The following MAPK8IP3 variants were observed in gnomAD, a reference collection of about 807,000 sequenced individuals.
The protein encoded by MAPK8IP3 is C-Jun-amino-terminal kinase-interacting protein 3.
MAPK8IP3 carries 49 observed loss-of-function variants against 157.8 expected under a neutral mutation model. That is an observed-to-expected ratio of 0.31 (90% CI 0.25 to 0.39). The LOEUF is 0.39. Among genes scored for constraint, MAPK8IP3 ranks in the 10% least tolerant of loss-of-function variants. MAPK8IP3 has a pLI of 1.00. For missense variants in MAPK8IP3, 1,478 were observed against 1,889.4 expected (o/e 0.78, Z 4.04); for synonymous variants, 897 against 777.7 (o/e 1.15, Z -2.55).
At chr16:1,749,286 A>G (rs1380608264) in intron 8 of MAPK8IP3, among the ~76,000 whole-genome samples, 1 of 152,200 alleles carries the variant, frequency 6.6e-6, no homozygotes, top group Non-Finnish European at 1.5e-5. Context: ...CCATCCCTAA[A>G]AGAAATCCAT....
rs1409123643 is a variant in MAPK8IP3 at position 1,768,362 on chromosome 16, C to T, written c.3726C>T (p.Phe1242=). The T allele has an allele frequency of 1.9e-6, 3 of 1,601,978 alleles. No individual in the cohort carries two copies. Among genetic ancestry groups the T allele is most frequent in the South Asian group, 1.1e-5 (1 of 91,044 alleles). The stretch of plus-strand genomic sequence containing the variant: ...ATGGGCACCGCGATGCCGTGAAGTT[C>T]TTTGTCTCGGTGCCAGGTGAGGCTG... ...CFHGHRDAVK[F]FVSVPGNVLA... is the part of the protein sequence containing the mutation. The change falls in exon 30 of 32, where the codon TTC becomes TTT. Residue 1242 remains phenylalanine (F), a synonymous_variant. Transcript: ENST00000610761.
chr16:1,765,829 T>G, intron 20 of MAPK8IP3, 131 bp from the exon 21 acceptor site: 4 of 799,742 alleles, frequency 5.0e-6, no homozygotes, highest in Non-Finnish European at 8.0e-6. Context: ...GGGTGGAGCA[T>G]GTGTGGAAGC....
intron 1 of MAPK8IP3, chr16:1,714,337 G>C (rs1487158422): frequency 6.6e-6 from 1 of 152,110 alleles, no homozygotes; most frequent in Non-Finnish European, 1.5e-5. Flanking sequence ...CCGCTTATGA[G>C]GGGGGTGCGT....
rs182952064 is a variant in MAPK8IP3, at chr16:1,769,121, G to A, written c.*297G>A. Reference sequence around the variant, plus strand: ...AAGTCCAGGGCACCTTGGGCCCAGCGCAGGCAGAATCCGAGGTGGTCCTGG... The same window carrying A: ...AAGTCCAGGGCACCTTGGGCCCAGCACAGGCAGAATCCGAGGTGGTCCTGG... On this transcript the variant is annotated 3_prime_UTR_variant, in exon 32 of 32. Transcript: ENST00000610761. The A allele has an allele frequency of 6.1e-5, 27 of 445,512 alleles. No homozygotes were observed. In the East Asian group the frequency reaches 6.2e-4, roughly 10 times the overall value. The allele number at this position is 445,512 out of a possible 1,614,324, so 27.6% of individuals were successfully genotyped here. A position where few individuals can be genotyped will look rare whatever the true frequency, so the allele number is the denominator to read the frequency against.
At chr16:1,765,441 C>T (rs139949787) in intron 20 of MAPK8IP3, among the ~76,000 whole-genome samples, 48 of 152,338 alleles carry the variant, frequency 3.2e-4, no homozygotes, top group Middle Eastern at 3.4e-3. Context: ...CGGGTGGGCA[C>T]GGCCTGCAGC....
chr16:1,735,284 G>A (rs1400175891), intron 4 of MAPK8IP3, among the ~76,000 whole-genome samples: 1 of 151,306 alleles, frequency 6.6e-6, no homozygotes, highest in African/African-American at 2.4e-5. Context: ...GTCTGTGAGT[G>A]TGCGACGGTC....
chr16:1,750,588 A>G (rs970086134), intron 8 of MAPK8IP3, among the ~76,000 whole-genome samples: 1 of 151,814 alleles, frequency 6.6e-6, no homozygotes, highest in South Asian at 2.1e-4. Context: ...TTTAAATAAT[A>G]TCAGCAAATG....
intron 1 of MAPK8IP3, among the ~76,000 whole-genome samples, chr16:1,721,512 AG>A (rs1261643497): frequency 6.6e-6 from 1 of 152,082 alleles, no homozygotes; most frequent in Non-Finnish European, 1.5e-5. Flanking sequence ...GGCTCACTGC[AG>A]CCCCGACCTC....
intron 4 of MAPK8IP3, among the ~76,000 whole-genome samples, chr16:1,738,260 G>A (rs1366570608): frequency 2.0e-5 from 2 of 98,826 alleles, no homozygotes; most frequent in African/African-American, 4.3e-5. Context: ...CCGTGTGAGC[G>A]TGTGACCGTC....
At position 1,737,818 on chromosome 16, in the gene MAPK8IP3, G is replaced by A. The variant is rs569378182; in HGVS notation, c.603-5514G>A. Among the ~76,000 whole-genome samples, 109 of 98,870 alleles carry A rather than the reference G, an allele frequency of 1.1e-3. 7 individuals carry two copies. Among genetic ancestry groups the A allele is most frequent in the Non-Finnish European group, 1.9e-3 (94 of 50,070 alleles). 64.9% of individuals were successfully genotyped at this position (98,870 alleles called of 152,430 possible). ...CATCCATGTGACCGTCCGTGTGAGC[G>A]TCCGTGTGAGCGTGACTGTCCGTGT... On this transcript the variant is annotated intron_variant, in intron 4 of 31. Coordinates refer to ENST00000610761, the MANE Select transcript of MAPK8IP3 (RefSeq NM_001318852.2).
At chr16:1,738,893 G>A (rs1415601693) in intron 4 of MAPK8IP3, among the ~76,000 whole-genome samples, 1 of 138,382 alleles carries the variant, frequency 7.2e-6, no homozygotes, top group Non-Finnish European at 1.5e-5. Context: ...GTGAGCATCT[G>A]TGTGACCATC....
chr16:1,711,942 CAAAAAAAAAAA>C (rs751305952), intron 1 of MAPK8IP3, among the ~76,000 whole-genome samples: 3 of 52,494 alleles, frequency 5.7e-5, no homozygotes, highest in African/African-American at 1.4e-4. Flanking sequence ...GACTCCGTCT[CAAAAAAAAAAA>C]AAAAGAAAAA....
At chr16:1,740,062 C>T (rs1233318464) in intron 4 of MAPK8IP3, among the ~76,000 whole-genome samples, 1 of 73,850 alleles carries the variant, frequency 1.4e-5, no homozygotes. Context: ...GTGTGACTGT[C>T]CGTGTGAGCG....
At chr16:1,725,149 T>TTTATTA (rs71145429) in intron 2 of MAPK8IP3, among the ~76,000 whole-genome samples, 23,060 of 144,320 alleles carry the variant, frequency 0.16, 2,356 homozygotes, top group East Asian at 0.31. Flanking sequence ...GCAGAAAGGG[T>TTTATTA]TTATTATTAT....
At position 1,706,396 on chromosome 16, in the gene MAPK8IP3, C is replaced by T. The variant is rs1362888816; in HGVS notation, c.57C>T (p.Tyr19=). Residue 19 remains tyrosine, a synonymous_variant, in exon 1 of 32, where the codon TAC becomes TAT. Transcript: ENST00000610761. This position sits in a 1 kb window ranked among gnomAD's most constrained non-coding sequence, Gnocchi z 5.1. ...GGGVVVYQDD[Y]CSGSVMSERV... is the part of the protein sequence containing the mutation. The stretch of plus-strand genomic sequence containing the variant: ...GCGTGGTGGTGTACCAGGACGACTA[C>T]TGCTCCGGCTCGGTGATGTCGGAGC... The T allele has an allele frequency of 6.2e-7, 1 of 1,613,094 alleles. No homozygotes were observed. The highest frequency in any genetic ancestry group is 8.5e-7 in the Non-Finnish European group (1 of 1,179,792).
intron 3 of MAPK8IP3, 22 bp downstream of exon 3, chr16:1,729,230 C>T (rs372656843): frequency 1.7e-5 from 28 of 1,613,294 alleles, no homozygotes; most frequent in Non-Finnish European, 2.2e-5. Context: ...GAGGCAAGCG[C>T]GGAGACGAGG....
At position 1,762,891 on chromosome 16, in the gene MAPK8IP3, C is replaced by A. The variant is rs907527105; in HGVS notation, c.1783C>A (p.Pro595Thr). Residue 595 changes from proline (P) to threonine (T), a missense_variant, in exon 16 of 32, where the codon CCC (proline) becomes ACC (threonine). Pro to Thr is a conservative substitution (Grantham distance 38). Coordinates refer to ENST00000610761, the MANE Select transcript of MAPK8IP3 (RefSeq NM_001318852.2). Reference sequence around the variant, plus strand: ...CCCCCCTCCGGCCAAGCGCCCCTATCCCTCGGTGAACATCCACTACAAGTC... The same window carrying A: ...CCCCCCTCCGGCCAAGCGCCCCTATACCTCGGTGAACATCCACTACAAGTC... ...SSPPPAKRPY[P>T]SVNIHYKSPT... The A allele has an allele frequency of 4.3e-6, 7 of 1,613,064 alleles. No individual in the cohort carries two copies. The highest frequency in any genetic ancestry group is 5.1e-6 in the Non-Finnish European group (6 of 1,179,994).
chr16:1,735,053 A>T (rs1181213212), intron 4 of MAPK8IP3: 1 of 153,258 alleles, frequency 6.5e-6, no homozygotes, highest in East Asian at 1.9e-4. Context: ...GGCACTGGGG[A>T]CACGTGGCAC....
chr16:1,717,356 TA>T (rs1485414823), intron 1 of MAPK8IP3, among the ~76,000 whole-genome samples: 2 of 152,188 alleles, frequency 1.3e-5, no homozygotes. Context: ...AAGTACATCT[TA>T]AAAACATGTC....
Sources: gnomAD v4.1 joint callset for allele counts (sites outside exome capture counted in the v4.1 genomes callset) on GRCh38, gnomAD v4.1.1 for gene constraint, Gnocchi (gnomAD v3.1) non-coding constraint, MANE v1.5 for transcripts, NCBI Gene and HGNC (gene_info 2026-07-23, HGNC 2026-07-21) for gene names.